SAMD5: variants seen among roughly 807,000 people sequenced by gnomAD.
SAMD5 encodes the protein sterile alpha motif domain-containing protein 5.
SAMD5 carries 13 observed loss-of-function variants against 11.3 expected under a neutral mutation model. The ratio of observed to expected loss-of-function variants is 1.15; its 90% confidence interval spans 0.75 to 1.83. The LOEUF (loss-of-function observed/expected upper bound fraction) is 1.83, where lower values mean the gene tolerates loss of function less well. SAMD5 is among the 40% of genes most tolerant of loss of function. The pLI is 0.00. For synonymous variants in SAMD5, 129 were observed against 111.3 expected (o/e 1.16, Z -1.00); for missense variants, 255 against 239.1 (o/e 1.07, Z -0.44).
intron 1 of SAMD5, among the ~76,000 whole-genome samples, chr6:147,629,541 T>C (rs1359175053): frequency 6.6e-6 from 1 of 152,156 alleles, no homozygotes; most frequent in African/African-American, 2.4e-5. Context: ...TTTGGCATTT[T>C]CAGTTGATTT....
chr6:147,672,034 C>T (rs948308433), intron 1 of SAMD5, among the ~76,000 whole-genome samples: 26 of 151,448 alleles, frequency 1.7e-4, no homozygotes, highest in African/African-American at 6.0e-4. Context: ...ATTTTAGGAG[C>T]GTTTACGTGT....
At chr6:147,649,750 C>T (rs1270477301) in intron 1 of SAMD5, among the ~76,000 whole-genome samples, 1 of 150,610 alleles carries the variant, frequency 6.6e-6, no homozygotes, top group Non-Finnish European at 1.5e-5. Flanking sequence ...GAGATCGCGC[C>T]ACTGCGCTCC....
the SAMD5 span, among the ~76,000 whole-genome samples, chr6:147,894,171 T>TG: frequency 1.3e-5 from 2 of 150,920 alleles, no homozygotes; most frequent in Non-Finnish European, 2.9e-5. Flanking sequence ...GTCACCAGGC[T>TG]GGAGTGCAGT....
intron 1 of SAMD5, among the ~76,000 whole-genome samples, chr6:147,665,824 A>C (rs1790709201): frequency 6.6e-6 from 1 of 152,226 alleles, no homozygotes. Context: ...AAATTAATTC[A>C]ACAGTGTTTT....
At chr6:147,660,822 G>C (rs1295151115) in intron 1 of SAMD5, 1 of 152,230 alleles carries the variant, frequency 6.6e-6, no homozygotes. Flanking sequence ...GTGGAACCGT[G>C]AGTCGGTTAA....
chr6:147,610,392 G>A (rs1189086810), intron 1 of SAMD5, among the ~76,000 whole-genome samples: 1 of 152,184 alleles, frequency 6.6e-6, no homozygotes, highest in Non-Finnish European at 1.5e-5. Flanking sequence ...ACTCCTGAGA[G>A]CAATTGCCAT....
At chr6:147,758,074 C>T in the SAMD5 span, among the ~76,000 whole-genome samples, 1 of 152,192 alleles carries the variant, frequency 6.6e-6, no homozygotes, top group South Asian at 2.1e-4. Context: ...TTTGAGAAAC[C>T]TTACTGGGTG....
At position 147,683,007 on chromosome 6, in the gene SAMD5, C is replaced by T. The variant is rs138879497; in HGVS notation, c.163-54310C>T. ...TATTTATTTTCAGATGACAAGTAAC[C>T]GTGTCGTTTTCTCTGTGCTATATAG... On this transcript the variant is annotated intron_variant, in intron 1 of 1. Transcript: ENST00000566741. Among the ~76,000 whole-genome samples, 44 of 152,170 alleles carry T rather than the reference C, an allele frequency of 2.9e-4. No homozygotes were observed. The East Asian group carries it at 7.5e-3, about 26-fold the overall frequency.
chr6:147,931,376 C>T, the SAMD5 span, among the ~76,000 whole-genome samples: 2 of 152,112 alleles, frequency 1.3e-5, no homozygotes, highest in African/African-American at 4.8e-5. Context: ...TATTAAAGCA[C>T]ATATATCTTG....
chr6:147,595,483 C>T (rs1251352394), intron 1 of SAMD5, among the ~76,000 whole-genome samples: 1 of 151,480 alleles, frequency 6.6e-6, no homozygotes, highest in Non-Finnish European at 1.5e-5. Context: ...CCTGGACTAT[C>T]CCCACCCCCT....
chr6:147,596,373 A>AACCT (rs1453982718), intron 1 of SAMD5, among the ~76,000 whole-genome samples: 1 of 152,228 alleles, frequency 6.6e-6, no homozygotes, highest in East Asian at 1.9e-4. Context: ...ATGATTTTTA[A>AACCT]ACATTGATTT....
intron 1 of SAMD5, among the ~76,000 whole-genome samples, chr6:147,677,760 G>C (rs930492183): frequency 2.0e-5 from 3 of 152,048 alleles, no homozygotes; most frequent in Non-Finnish European, 2.9e-5. Flanking sequence ...GTTAGAGGGT[G>C]TATGGTGGTT....
At chr6:147,752,564 G>GA in the SAMD5 span, among the ~76,000 whole-genome samples, 1 of 151,650 alleles carries the variant, frequency 6.6e-6, no homozygotes, top group Non-Finnish European at 1.5e-5. Context: ...TTATAGTATT[G>GA]AAAAAATGAC....
At chr6:147,803,346 G>A in the SAMD5 span, among the ~76,000 whole-genome samples, 3 of 151,770 alleles carry the variant, frequency 2.0e-5, no homozygotes, top group South Asian at 2.1e-4. Context: ...TCACTCTCTC[G>A]CCTCTGTCCT....
the SAMD5 span, among the ~76,000 whole-genome samples, chr6:147,745,898 C>A: frequency 3.3e-4 from 50 of 151,878 alleles, no homozygotes; most frequent in African/African-American, 1.2e-3. Context: ...TGCACCACCA[C>A]GCCTGGCTAA....
chr6:147,598,264 A>G (rs1445447415), intron 1 of SAMD5, among the ~76,000 whole-genome samples: 1 of 151,974 alleles, frequency 6.6e-6, no homozygotes, highest in Non-Finnish European at 1.5e-5. Flanking sequence ...AGCTGGGACT[A>G]CATGTGTACA....
chr6:147,746,313 G>A, the SAMD5 span, among the ~76,000 whole-genome samples: 1 of 152,274 alleles, frequency 6.6e-6, no homozygotes, highest in Admixed American at 6.5e-5. Flanking sequence ...ACTCCCTGAG[G>A]CCTTGGTGTC....
At position 147,569,835 on chromosome 6, in the gene SAMD5, G is replaced by A; in HGVS notation, c.*5379G>A. 1.0e-6 allele frequency: 1 copy of A among 985,106 alleles called. No homozygotes were observed. Among genetic ancestry groups the A allele is most frequent in the Non-Finnish European group, 1.2e-6 (1 of 829,696 alleles). The allele number at this position is 985,106 out of a possible 1,614,324, so 61.0% of individuals were successfully genotyped here. On this transcript the variant is annotated 3_prime_UTR_variant, in exon 2 of 2. Coordinates refer to ENST00000367474, the MANE Select transcript of SAMD5 (RefSeq NM_001030060.3). ...TAATTGAAAGCAGCAGTTTGGTTTT[G>A]TAAATGTAATTGCAATTGACACTTT...
the SAMD5 span, among the ~76,000 whole-genome samples, chr6:147,910,179 T>C: frequency 6.6e-6 from 1 of 152,112 alleles, no homozygotes; most frequent in African/African-American, 2.4e-5. Flanking sequence ...TAGTGACAGA[T>C]ATTCCCCTCA....
Sources: allele counts gnomAD v4.1 joint callset (sites outside exome capture counted in the v4.1 genomes callset), GRCh38; gene constraint gnomAD v4.1.1; transcripts MANE v1.5; gene names NCBI Gene and HGNC (gene_info 2026-07-23, HGNC 2026-07-21).